The following GNPTAB variants were observed in gnomAD, a reference collection of about 807,000 sequenced individuals.
GNPTAB encodes the protein N-acetylglucosamine-1-phosphotransferase subunits alpha/beta.
A neutral mutation model predicts 136.6 loss-of-function variants in GNPTAB; 92 were observed. The ratio of observed to expected loss-of-function variants is 0.67; its 90% CI spans 0.57 to 0.80. GNPTAB has a LOEUF of 0.80. Ranked by LOEUF, GNPTAB falls within the 30% of genes least tolerant of loss-of-function variation. GNPTAB has a pLI of 0.00. For missense variants in GNPTAB, 1,343 were observed against 1,501.8 expected (o/e 0.89, Z 1.75); for synonymous variants, 512 against 535.1 (o/e 0.96, Z 0.60).
chr12:101,770,890 A>T (rs1426673804), intron 8 of GNPTAB, 106 bp downstream of exon 8: 35 of 1,153,242 alleles, frequency 3.0e-5, no homozygotes, highest in Non-Finnish European at 4.2e-5. Flanking sequence ...ATTCCAATCA[A>T]CTCACCTCTC....
intron 1 of GNPTAB, among the ~76,000 whole-genome samples, chr12:101,808,376 A>T (rs937184838): frequency 1.3e-5 from 1 of 78,532 alleles, no homozygotes; most frequent in African/African-American, 4.1e-5. Flanking sequence ...CCGGGCAATT[A>T]AAAAAAAAAA....
chr12:101,817,418 C>T (rs558460506), intron 1 of GNPTAB, among the ~76,000 whole-genome samples: 2 of 151,868 alleles, frequency 1.3e-5, no homozygotes, highest in South Asian at 4.2e-4. Flanking sequence ...CAGGCACGTG[C>T]TACCACACCT....
intron 7 of GNPTAB, chr12:101,778,574 A>G (rs1185448759): frequency 6.6e-6 from 1 of 152,256 alleles, no homozygotes; most frequent in Non-Finnish European, 1.5e-5. Flanking sequence ...TTCAACTCTA[A>G]TATAGCCAGG....
intron 2 of GNPTAB, among the ~76,000 whole-genome samples, chr12:101,793,038 CT>C (rs1006410575): frequency 2.0e-5 from 3 of 152,258 alleles, no homozygotes; most frequent in South Asian, 2.1e-4. Context: ...ACACACTTCG[CT>C]TTTTTTCCCC....
chr12:101,815,224 T>G (rs913310112), intron 1 of GNPTAB, among the ~76,000 whole-genome samples: 1 of 152,162 alleles, frequency 6.6e-6, no homozygotes, highest in Non-Finnish European at 1.5e-5. Context: ...CATGCCACTA[T>G]GCTGGCTAAT....
At chr12:101,807,478 G>A (rs1052312419) in intron 1 of GNPTAB, among the ~76,000 whole-genome samples, 1 of 151,728 alleles carries the variant, frequency 6.6e-6, no homozygotes, top group Non-Finnish European at 1.5e-5. Context: ...AACAGATTGA[G>A]AAGGATGAAA....
intron 7 of GNPTAB, chr12:101,773,400 C>A: frequency 3.6e-6 from 1 of 279,246 alleles, no homozygotes; most frequent in South Asian, 4.0e-5. Flanking sequence ...TCCCGAAGCT[C>A]GTTCACTTTG....
chr12:101,809,819 A>T (rs1047188735), intron 1 of GNPTAB, among the ~76,000 whole-genome samples: 1 of 152,244 alleles, frequency 6.6e-6, no homozygotes, highest in Admixed American at 6.5e-5. Context: ...TATTCTGTAC[A>T]ATACTGTAGT....
intron 1 of GNPTAB, 23 bp downstream of exon 1, chr12:101,830,536 C>G (rs1192481774): frequency 2.7e-6 from 4 of 1,458,834 alleles, no homozygotes; most frequent in Admixed American, 1.7e-5. Flanking sequence ...GCGCCCGGTC[C>G]AGGCTGCGGC....
chr12:101,815,228 G>A (rs117733457), intron 1 of GNPTAB, among the ~76,000 whole-genome samples: 1,683 of 152,192 alleles, frequency 0.011, 20 homozygotes, highest in Non-Finnish European at 0.014. Flanking sequence ...CCACTATGCT[G>A]GCTAATTTTG....
chr12:101,814,959 A>T (rs917505054), intron 1 of GNPTAB, among the ~76,000 whole-genome samples: 1 of 152,236 alleles, frequency 6.6e-6, no homozygotes, highest in Non-Finnish European at 1.5e-5. Flanking sequence ...TAATGTCCTA[A>T]TATTATTACG....
At chr12:101,804,476 T>C (rs990448884) in intron 1 of GNPTAB, among the ~76,000 whole-genome samples, 2 of 152,210 alleles carry the variant, frequency 1.3e-5, no homozygotes, top group Admixed American at 6.5e-5. Context: ...GGAAGAACTT[T>C]GAATCCAGTG....
chr12:101,825,841 C>A (rs7960795), intron 1 of GNPTAB, among the ~76,000 whole-genome samples: 1 of 151,934 alleles, frequency 6.6e-6, no homozygotes, highest in Non-Finnish European at 1.5e-5. Context: ...CAAGTCCACA[C>A]GAAATAGATA....
chr12:101,825,130 C>T (rs546359093), intron 1 of GNPTAB, among the ~76,000 whole-genome samples: 35 of 152,330 alleles, frequency 2.3e-4, no homozygotes, highest in African/African-American at 7.7e-4. Flanking sequence ...CTAACTCAGG[C>T]ATTCAATTGC....
chr12:101,805,570 T>A (rs1869889068), intron 1 of GNPTAB, among the ~76,000 whole-genome samples: 1 of 152,144 alleles, frequency 6.6e-6, no homozygotes, highest in Non-Finnish European at 1.5e-5. Flanking sequence ...AATTTTTGGA[T>A]TTTTTTGTCA....
chr12:101,789,591 T>A (rs1200666718), intron 3 of GNPTAB, among the ~76,000 whole-genome samples: 5 of 152,268 alleles, frequency 3.3e-5, no homozygotes, highest in Admixed American at 3.3e-4. Flanking sequence ...CTCAAATGAT[T>A]CTCCCGCCTT....
chr12:101,802,191 C>G (rs187237564), intron 1 of GNPTAB, among the ~76,000 whole-genome samples: 5 of 135,260 alleles, frequency 3.7e-5, no homozygotes, highest in East Asian at 2.1e-4. Context: ...GAGCAAGACC[C>G]TGTCTCTTAA....
At chr12:101,788,780 AT>A (rs1868816451) in intron 3 of GNPTAB, among the ~76,000 whole-genome samples, 191 bp from the exon 4 acceptor site, 1 of 152,250 alleles carries the variant, frequency 6.6e-6, no homozygotes, top group Non-Finnish European at 1.5e-5. Flanking sequence ...TTGCTCCAAT[AT>A]AAGGTGGCCA....
chr12:101,826,220 G>A (rs1432936035), intron 1 of GNPTAB, among the ~76,000 whole-genome samples: 1 of 152,148 alleles, frequency 6.6e-6, no homozygotes, highest in Non-Finnish European at 1.5e-5. Flanking sequence ...GGAGCAGAGA[G>A]GTCACGGAAA....
Sources: gnomAD v4.1 joint callset for allele counts (sites outside exome capture counted in the v4.1 genomes callset) on GRCh38, gnomAD v4.1.1 for gene constraint, MANE v1.5 for transcripts, NCBI Gene and HGNC (gene_info 2026-07-23, HGNC 2026-07-21) for gene names.